CSMD1: variants seen among roughly 807,000 people sequenced by gnomAD.
CSMD1 encodes the protein CUB and Sushi multiple domains 1.
Under a neutral mutation model 417.5 loss-of-function variants are expected in CSMD1, and 213 were observed. The observed-to-expected ratio is 0.51, with a 90% confidence interval of 0.46 to 0.57. The LOEUF is 0.57. Ranked by LOEUF, CSMD1 falls within the 20% of genes least tolerant of loss-of-function variation. The pLI is 0.00. For missense variants in CSMD1, 6,923 were observed against 4,529.7 expected (o/e 1.53, Z -15.17); for synonymous variants, 2,862 against 1,736.8 (o/e 1.65, Z -16.11).
At chr8:3,076,733 A>G (rs1208290102) in intron 49 of CSMD1, among the ~76,000 whole-genome samples, 1 of 152,164 alleles carries the variant, frequency 6.6e-6, no homozygotes, top group East Asian at 1.9e-4. Flanking sequence ...AGCCAAATTC[A>G]TTTCTCCATA....
chr8:3,545,981 T>A (rs1798642504), intron 10 of CSMD1, among the ~76,000 whole-genome samples: 1 of 152,196 alleles, frequency 6.6e-6, no homozygotes, highest in South Asian at 2.1e-4. Context: ...GCCAAACAAT[T>A]AGTCAACATA....
intron 5 of CSMD1, among the ~76,000 whole-genome samples, chr8:3,902,739 T>G (rs536476316): frequency 7.4e-4 from 112 of 152,274 alleles, no homozygotes; most frequent in Non-Finnish European, 1.4e-3. Flanking sequence ...TAGAGACCCC[T>G]GCTGAGGTAC....
At chr8:4,632,256 A>T (rs1317424662) in intron 2 of CSMD1, among the ~76,000 whole-genome samples, 2 of 152,002 alleles carry the variant, frequency 1.3e-5, no homozygotes, top group African/African-American at 4.8e-5. Flanking sequence ...AAGTCAACAT[A>T]TCTTCCAGCA....
At chr8:3,762,036 G>A (rs1020845285) in intron 5 of CSMD1, among the ~76,000 whole-genome samples, 5 of 151,942 alleles carry the variant, frequency 3.3e-5, no homozygotes, top group Admixed American at 1.3e-4. Context: ...TTTTCCTTGT[G>A]CCCTCCTATA....
intron 8 of CSMD1, among the ~76,000 whole-genome samples, chr8:3,599,174 T>C (rs1216001018): frequency 2.0e-5 from 3 of 150,482 alleles, no homozygotes; most frequent in African/African-American, 7.4e-5. Flanking sequence ...TGTGTGTGTG[T>C]GTGTGTGAGA....
intron 2 of CSMD1, among the ~76,000 whole-genome samples, chr8:4,472,237 G>C (rs1041102061): frequency 9.2e-5 from 14 of 151,840 alleles, no homozygotes; most frequent in Non-Finnish European, 1.8e-4. Context: ...AAATCGAATA[G>C]TTCTTACACT....
Position 4,826,410 on chromosome 8 carries a change from G to A in CSMD1, c.85+167922C>T, listed in dbSNP as rs1372301363. Among the ~76,000 whole-genome samples the A allele has an allele frequency of 4.6e-5, 7 of 152,160 alleles. No individual in the cohort carries two copies. The East Asian group carries it at 1.2e-3, about 25-fold the overall frequency. On this transcript the variant is annotated intron_variant, in intron 1 of 69. Transcript: ENST00000635120. ...CATATGCAACAGCATGGATGAGCCT[G>A]GAGGGCATTGCGCTAACTGAAATAA...
At chr8:3,805,392 C>G (rs1384515716) in intron 5 of CSMD1, among the ~76,000 whole-genome samples, 3 of 152,148 alleles carry the variant, frequency 2.0e-5, no homozygotes, top group Non-Finnish European at 2.9e-5. Context: ...CCCTAAAACC[C>G]TGTAATCACA....
chr8:4,180,386 A>C (rs1316286355), intron 3 of CSMD1, among the ~76,000 whole-genome samples: 1 of 138,664 alleles, frequency 7.2e-6, no homozygotes, highest in African/African-American at 2.7e-5. Flanking sequence ...ATGAGAACAC[A>C]TGGACACAGG....
chr8:4,981,596 C>T (rs1401070817), intron 1 of CSMD1, among the ~76,000 whole-genome samples: 2 of 152,142 alleles, frequency 1.3e-5, no homozygotes, highest in Non-Finnish European at 1.5e-5. Context: ...CTATAAAATA[C>T]CTATTTGTAC....
Position 4,013,577 on chromosome 8 carries a change from T to C in CSMD1, c.611-15467A>G, listed in dbSNP as rs117955309. 7.1e-3 allele frequency among the ~76,000 whole-genome samples: 1,078 copies of C among 152,308 alleles called. 9 individuals are homozygous for C. Among genetic ancestry groups the C allele is most frequent in the Middle Eastern group, 0.014 (4 of 294 alleles). ...TCTCAGTGAGAACACTTACAAACAC[T>C]TATTTCAACAGGACAGCAAAGTTTA... On this transcript the variant is annotated intron_variant, in intron 4 of 69. Coordinates refer to ENST00000635120, the MANE Select transcript of CSMD1 (RefSeq NM_033225.6).
At chr8:4,190,224 C>A (rs140345069) in intron 3 of CSMD1, among the ~76,000 whole-genome samples, 3,445 of 147,434 alleles carry the variant, frequency 0.023, 164 homozygotes, top group African/African-American at 0.081. Flanking sequence ...GAGTCACTGC[C>A]CTCCAGCCTG....
intron 1 of CSMD1, among the ~76,000 whole-genome samples, chr8:4,911,976 T>C (rs1805706368): frequency 6.6e-6 from 1 of 151,960 alleles, no homozygotes; most frequent in South Asian, 2.1e-4. Context: ...AGTTTAATAA[T>C]TTCTCCACAA....
At chr8:4,508,074 G>A (rs1398033652) in intron 2 of CSMD1, among the ~76,000 whole-genome samples, 2 of 128,538 alleles carry the variant, frequency 1.6e-5, no homozygotes, top group Non-Finnish European at 3.2e-5. Flanking sequence ...TGTGAGCTAT[G>A]TAGAAAAAAA....
intron 2 of CSMD1, among the ~76,000 whole-genome samples, chr8:4,550,980 CCAAA>C (rs1223933065): frequency 6.6e-6 from 1 of 152,174 alleles, no homozygotes; most frequent in African/African-American, 2.4e-5. Flanking sequence ...AAGAAATACA[CCAAA>C]CAAAGGCTGC....
chr8:3,750,832 T>C (rs2129053056), intron 6 of CSMD1, among the ~76,000 whole-genome samples: 1 of 152,304 alleles, frequency 6.6e-6, no homozygotes, highest in Admixed American at 6.5e-5. Context: ...AGGTTTGTTC[T>C]AGAATCAGCA....
chr8:3,897,126 A>T (rs1359964145), intron 5 of CSMD1, among the ~76,000 whole-genome samples: 1 of 152,228 alleles, frequency 6.6e-6, no homozygotes, highest in Non-Finnish European at 1.5e-5. Context: ...CTGAAATCAC[A>T]GAGACCCAGT....
At chr8:3,602,072 G>T (rs1205447560) in intron 8 of CSMD1, among the ~76,000 whole-genome samples, 2 of 152,128 alleles carry the variant, frequency 1.3e-5, no homozygotes, top group East Asian at 3.9e-4. Context: ...ATGGATGGTG[G>T]TCATGGTTAT....
intron 12 of CSMD1, among the ~76,000 whole-genome samples, chr8:3,452,130 T>G (rs1264696947): frequency 6.6e-6 from 1 of 152,216 alleles, no homozygotes; most frequent in Admixed American, 6.5e-5. Context: ...CTGTTATTGT[T>G]TTATAAGAAT....
Sources: allele counts gnomAD v4.1 joint callset (sites outside exome capture counted in the v4.1 genomes callset), GRCh38; gene constraint gnomAD v4.1.1; transcripts MANE v1.5; gene names NCBI Gene and HGNC (gene_info 2026-07-23, HGNC 2026-07-21).